Variants in ERBB4 observed in about 807,000 individuals in gnomAD.
ERBB4 encodes receptor tyrosine-protein kinase erbB-4.
In ERBB4, 42 loss-of-function variants were observed where a neutral mutation model predicts 158.0. The ratio of observed to expected loss-of-function variants is 0.27; its 90% CI spans 0.21 to 0.34. The LOEUF (loss-of-function observed/expected upper bound fraction) is 0.34, where lower values mean the gene tolerates loss of function less well. Ranked by LOEUF, ERBB4 falls within the 10% of genes least tolerant of loss-of-function variation. The pLI, the probability that ERBB4 is intolerant of heterozygous loss-of-function variation, is 1.00. For missense variants in ERBB4, 1,333 were observed against 1,624.1 expected, an observed-to-expected ratio of 0.82 and a Z score of 3.08; for synonymous variants, 583 against 558.7, an observed-to-expected ratio of 1.04 and a Z score of -0.61.
At chr2:211,875,324 T>A (rs1009843825) in intron 3 of ERBB4, among the ~76,000 whole-genome samples, 51 of 152,264 alleles carry the variant, frequency 3.3e-4, no homozygotes, top group African/African-American at 1.2e-3. Context: ...AATAATCCGA[T>A]GCTTTGATGA....
intron 1 of ERBB4, among the ~76,000 whole-genome samples, chr2:212,368,862 T>C (rs1313810062): frequency 1.3e-5 from 2 of 152,102 alleles, no homozygotes; most frequent in South Asian, 2.1e-4. Context: ...TCGGTTTTAG[T>C]ACTATTAATA....
Position 211,378,580 on chromosome 2 carries a change from A to G in ERBB4, c.*5035T>C. 2 of 232,762 alleles carry G rather than the reference A, an allele frequency of 8.6e-6. No individual in the cohort carries two copies. Among genetic ancestry groups the G allele is most frequent in the Middle Eastern group, 2.6e-3 (2 of 782 alleles). The allele number at this position is 232,762 out of a possible 1,614,324, so 14.4% of individuals were successfully genotyped here. ...CTTCTTGTTTCCAACTGCAGAGAGA[A>G]CTCAGATCTCTGGGATCAGAAAAAT... On this transcript the variant is annotated 3_prime_UTR_variant, in exon 28 of 28. Coordinates refer to ENST00000342788, the MANE Select transcript of ERBB4 (RefSeq NM_005235.3).
At chr2:211,735,857 A>T (rs2074581563) in intron 5 of ERBB4, among the ~76,000 whole-genome samples, 1 of 151,890 alleles carries the variant, frequency 6.6e-6, no homozygotes, top group South Asian at 2.1e-4. Context: ...TTATCTTCTT[A>T]AAAAAGATAA....
Position 212,057,120 on chromosome 2 carries a change from G to A in ERBB4, c.234+67632C>T, listed in dbSNP as rs145083449. On this transcript the variant is annotated intron_variant, in intron 2 of 27. Coordinates refer to ENST00000342788, the MANE Select transcript of ERBB4 (RefSeq NM_005235.3). ...AAATGGAAAACAAAAAAAAGGCAGC[G>A]GTTGCAATCCTAGTCTCTGATAAAA... Among the ~76,000 whole-genome samples, 1,239 of 152,176 alleles carry A rather than the reference G, an allele frequency of 8.1e-3. 10 individuals are homozygous for A. The highest frequency in any genetic ancestry group is 0.01 in the Non-Finnish European group (712 of 68,012).
intron 3 of ERBB4, among the ~76,000 whole-genome samples, chr2:211,946,361 C>T (rs946204755): frequency 1.3e-5 from 2 of 151,904 alleles, no homozygotes; most frequent in East Asian, 3.9e-4. Context: ...ATTCTGACAA[C>T]ATTCATCTTG....
chr2:211,945,072 A>G (rs1449451174), intron 3 of ERBB4, among the ~76,000 whole-genome samples: 1 of 152,110 alleles, frequency 6.6e-6, no homozygotes, highest in East Asian at 1.9e-4. Flanking sequence ...TAAAACAAAT[A>G]TTTTTCCGAA....
chr2:211,567,003 G>A (rs1289486243), intron 19 of ERBB4, among the ~76,000 whole-genome samples: 1 of 152,184 alleles, frequency 6.6e-6, no homozygotes, highest in Non-Finnish European at 1.5e-5. Context: ...AGAACCTCTA[G>A]CACATCTTGA....
chr2:211,746,463 G>C (rs1275594334), intron 5 of ERBB4, among the ~76,000 whole-genome samples: 1 of 152,096 alleles, frequency 6.6e-6, no homozygotes, highest in Non-Finnish European at 1.5e-5. Context: ...CTGATGATTT[G>C]ATACATGAAT....
At chr2:211,486,402 C>T (rs1375203221) in intron 20 of ERBB4, among the ~76,000 whole-genome samples, 2 of 152,044 alleles carry the variant, frequency 1.3e-5, no homozygotes, top group Non-Finnish European at 1.5e-5. Context: ...TAAATTGATT[C>T]TAACACATTT....
intron 1 of ERBB4, among the ~76,000 whole-genome samples, chr2:212,140,516 TA>T (rs1267443762): frequency 1.9e-4 from 27 of 144,372 alleles, no homozygotes; most frequent in African/African-American, 6.3e-4. Flanking sequence ...ATTTCATTTT[TA>T]AAAATGTTTT....
At chr2:211,840,560 T>C (rs1465958856) in intron 3 of ERBB4, among the ~76,000 whole-genome samples, 1 of 152,036 alleles carries the variant, frequency 6.6e-6, no homozygotes, top group East Asian at 1.9e-4. Flanking sequence ...AAGCATAAAA[T>C]TGGCTTTAAA....
chr2:211,822,692 T>C (rs950413493), intron 3 of ERBB4, among the ~76,000 whole-genome samples: 1 of 151,788 alleles, frequency 6.6e-6, no homozygotes, highest in African/African-American at 2.4e-5. Flanking sequence ...ATATAAAATA[T>C]GGCATAATTA....
At chr2:212,118,367 G>A (rs2079635097) in intron 2 of ERBB4, among the ~76,000 whole-genome samples, 1 of 152,114 alleles carries the variant, frequency 6.6e-6, no homozygotes, top group African/African-American at 2.4e-5. Context: ...AAAGTCTTTG[G>A]CTGCAGTAAG....
At chr2:211,410,895 T>C (rs1377808508) in intron 25 of ERBB4, among the ~76,000 whole-genome samples, 2 of 152,154 alleles carry the variant, frequency 1.3e-5, no homozygotes, top group Non-Finnish European at 2.9e-5. Context: ...AAAACCTTTG[T>C]TTTTTAAATT....
chr2:212,116,633 G>A (rs60944259), intron 2 of ERBB4, among the ~76,000 whole-genome samples: 3,332 of 152,144 alleles, frequency 0.022, 128 homozygotes, highest in African/African-American at 0.076. Context: ...CATTTGTAGA[G>A]ACAGGGTCTC....
intron 20 of ERBB4, among the ~76,000 whole-genome samples, chr2:211,477,248 G>A (rs1271823887): frequency 1.3e-5 from 2 of 151,950 alleles, no homozygotes; most frequent in Non-Finnish European, 2.9e-5. Flanking sequence ...CCTACCCTGT[G>A]ATTTTAGATT....
At chr2:212,291,070 G>A (rs973809674) in intron 1 of ERBB4, among the ~76,000 whole-genome samples, 1 of 152,018 alleles carries the variant, frequency 6.6e-6, no homozygotes, top group Admixed American at 6.6e-5. Flanking sequence ...AACACACATT[G>A]CCCAATAAAG....
intron 7 of ERBB4, among the ~76,000 whole-genome samples, chr2:211,716,481 C>T (rs1237907347): frequency 9.2e-5 from 14 of 151,568 alleles, no homozygotes; most frequent in Admixed American, 7.9e-4. Flanking sequence ...TCGAGACCAT[C>T]CCGGCTAACA....
intron 1 of ERBB4, among the ~76,000 whole-genome samples, chr2:212,534,689 T>C (rs1371037803): frequency 6.6e-6 from 1 of 152,094 alleles, no homozygotes; most frequent in Non-Finnish European, 1.5e-5. Flanking sequence ...ACTCAATAAA[T>C]ACTAAGATGT....
Sources: gnomAD v4.1 joint callset for allele counts (sites outside exome capture counted in the v4.1 genomes callset) on GRCh38, gnomAD v4.1.1 for gene constraint, MANE v1.5 for transcripts, NCBI Gene and HGNC (gene_info 2026-07-23, HGNC 2026-07-21) for gene names.